PGBD1: variants seen among roughly 807,000 people sequenced by gnomAD.
PGBD1 encodes piggyBac transposable element derived 1, also known as piggyBac transposable element-derived protein 1.
PGBD1 carries 25 observed loss-of-function variants against 34.7 expected under a neutral mutation model. The ratio of observed to expected loss-of-function variants is 0.72; its 90% CI spans 0.52 to 1.00. The LOEUF (loss-of-function observed/expected upper bound fraction) is 1.00. Among genes scored for constraint, PGBD1 ranks in the 50% least tolerant of loss-of-function variants. The pLI is 0.00. For missense variants in PGBD1, 830 were observed against 959.4 expected, an observed-to-expected ratio of 0.87 and a Z score of 1.78; for synonymous variants, 292 against 335.7, an observed-to-expected ratio of 0.87 and a Z score of 1.42.
In PGBD1 at chr6:28,300,720, C is replaced by T. The variant is rs2281043; in HGVS notation, c.870-4C>T. On this transcript the variant is annotated splice_region_variant and splice_polypyrimidine_tract_variant and intron_variant, in intron 6 of 6. Transcript: ENST00000682144. This position sits in a 1 kb window ranked among gnomAD's most constrained non-coding sequence, Gnocchi z 4.0. ...TTATAACATGTTCTTTTTTTCTTTC[C>T]CAGAGAGTGTGCACCCCAGATTCCT... 0.15 allele frequency: 235,549 copies of T among 1,590,096 alleles called. 22,024 individuals are homozygous for T. The highest frequency in any genetic ancestry group is 0.4 in the African/African-American group (29,436 of 73,438).
intron 4 of PGBD1, among the ~76,000 whole-genome samples, chr6:28,287,712 C>G (rs1259274120): frequency 6.6e-6 from 1 of 151,996 alleles, no homozygotes; most frequent in Non-Finnish European, 1.5e-5. Context: ...AAATAACTCT[C>G]TCATTTAAGT....
chr6:28,301,139 G>A lies in PGBD1; in HGVS notation c.1285G>A (p.Asp429Asn). 1.9e-6 allele frequency: 3 copies of A among 1,614,128 alleles called. No individual in the cohort carries two copies. The highest frequency in any genetic ancestry group is 1.7e-6 in the Non-Finnish European group (2 of 1,180,018). The change falls in exon 7 of 7, where the codon GAT (aspartate) becomes AAT (asparagine). Residue 429 changes from aspartate (D) to asparagine (N), a missense_variant. This residue lies in a region of PGBD1 where 457 missense variants were observed against 515.4 expected (regional missense o/e 0.89). Coordinates refer to ENST00000682144, the MANE Select transcript of PGBD1 (RefSeq NM_032507.4). ...AGAGCTTTTTGAATTATTTTTTGAT[G>A]ATGAAACATTCAACTTAATTGTCAA... ...PVELFELFFD[D>N]ETFNLIVNET...
intron 4 of PGBD1, among the ~76,000 whole-genome samples, chr6:28,291,509 A>C (rs1016428280): frequency 1.3e-5 from 2 of 151,650 alleles, no homozygotes; most frequent in Non-Finnish European, 2.9e-5. Flanking sequence ...AATTCTACCA[A>C]ACATTTAAAA....
In PGBD1 at chr6:28,301,057, C is replaced by T. The variant is rs533549195; in HGVS notation, c.1203C>T (p.Ser401=). 5 of 1,614,172 alleles carry T rather than the reference C, an allele frequency of 3.1e-6. No homozygotes were observed. In the South Asian group the frequency reaches 5.5e-5, roughly 18 times the overall value. ...GAGACATTAAACCCAATTTTCCAAG[C>T]TGGTCAGCACTGGATTCTGGACTTT... ...TKRDIKPNFP[S]WSALDSGLLN... Residue 401 remains serine, a synonymous_variant, in exon 7 of 7, where the codon AGC becomes AGT. Coordinates refer to ENST00000682144, the MANE Select transcript of PGBD1 (RefSeq NM_032507.4).
rs150792366 is a variant in PGBD1 at position 28,298,544 on chromosome 6, G to GA, written c.869+560dup. On this transcript the variant is annotated intron_variant, in intron 6 of 6. Transcript: ENST00000682144. ...GTATAATGCAAATATTCCAAAATCTGAAAAAAATCCAAAATTCAAAAATCT... is the reference window on the plus strand; with the variant it reads ...GTATAATGCAAATATTCCAAAATCTGAAAAAAAATCCAAAATTCAAAAATCT... Among the ~76,000 whole-genome samples, 178 of 151,938 alleles carry GA rather than the reference G, an allele frequency of 1.2e-3. 5 individuals carry two copies. The East Asian group carries it at 0.034, about 29-fold the overall frequency.
chr6:28,283,931 C>G lies in PGBD1; in HGVS notation c.118C>G (p.Gln40Glu). 2 of 1,614,224 alleles carry G rather than the reference C, an allele frequency of 1.2e-6. No homozygotes were observed. The highest frequency in any genetic ancestry group is 1.7e-6 in the Non-Finnish European group (2 of 1,180,026). Residue 40 changes from glutamine (Q) to glutamate (E), a missense_variant, in exon 2 of 7, where the codon CAG (glutamine) becomes GAG (glutamate). By Grantham distance (29) the Gln-to-Glu change is conservative (BLOSUM62 2). Transcript: ENST00000682144. ...CNSQEGSSHT[Q>E]EICRLRFRHF... ...CTCACAGGAGGGCAGCTCCCACACT[C>G]AGGAGATTTGCCGCCTGCGCTTTCG...
chr6:28,286,757 C>T (rs1046789215), intron 3 of PGBD1, among the ~76,000 whole-genome samples: 1 of 152,018 alleles, frequency 6.6e-6, no homozygotes, highest in Non-Finnish European at 1.5e-5. Context: ...TTGATCCTTC[C>T]TTTATCACCA....
intron 6 of PGBD1, 111 bp downstream of exon 6, chr6:28,298,102 A>C (rs1581639463): frequency 5.3e-6 from 4 of 752,698 alleles, no homozygotes; most frequent in Non-Finnish European, 2.3e-6. Flanking sequence ...AGATATGACA[A>C]CTGCCACTCA....
At chr6:28,282,876 AG>A (rs1451345266) in intron 1 of PGBD1, among the ~76,000 whole-genome samples, 1 of 152,256 alleles carries the variant, frequency 6.6e-6, no homozygotes, top group African/African-American at 2.4e-5. Flanking sequence ...GAGATCACAA[AG>A]GAAAAAATGA....
chr6:28,281,759 A>T lies in PGBD1; in HGVS notation c.-198A>T, dbSNP rs1021197384. The T allele has an allele frequency of 4.5e-6, 1 of 222,566 alleles. No individual in the cohort carries two copies. The highest frequency in any genetic ancestry group is 8.7e-6 in the Non-Finnish European group (1 of 114,562). The allele number at this position is 222,566 out of a possible 1,614,324, so 13.8% of individuals were successfully genotyped here. A position where few individuals can be genotyped will look rare whatever the true frequency, so the allele number is the denominator to read the frequency against. ...CTGAACTTTTGGTCCATTAACCAAC[A>T]ATTAGACACGCCGGTATTCAGTGCC... On this transcript the variant is annotated 5_prime_UTR_variant, in exon 1 of 7. Coordinates refer to ENST00000682144, the MANE Select transcript of PGBD1 (RefSeq NM_032507.4).
intron 4 of PGBD1, among the ~76,000 whole-genome samples, chr6:28,288,357 T>C (rs557846375): frequency 6.6e-6 from 1 of 152,170 alleles, no homozygotes; most frequent in African/African-American, 2.4e-5. Context: ...TAAAAAGAGG[T>C]TTATTTAGCT....
At chr6:28,298,608 G>A (rs905299103) in intron 6 of PGBD1, among the ~76,000 whole-genome samples, 2 of 152,086 alleles carry the variant, frequency 1.3e-5, no homozygotes, top group African/African-American at 4.8e-5. Flanking sequence ...AAATTAACCT[G>A]TATTTTCAAC....
rs774771086 is a variant in PGBD1 at position 28,301,499 on chromosome 6, A to G, written c.1645A>G (p.Met549Val). Reference protein sequence around the residue: ...LEEYYCFDKSMCECFDSDQFL... With the variant: ...LEEYYCFDKSVCECFDSDQFL... ...AGAATACTATTGCTTTGATAAGTCA[A>G]TGTGTGAATGCTTTGATAGTGACCA... The change falls in exon 7 of 7, where the codon ATG becomes GTG. Residue 549 changes from methionine to valine, a missense_variant. This residue lies in a region of PGBD1 where 372 missense variants were observed against 427.9 expected (regional missense o/e 0.87). Transcript: ENST00000682144. 9.3e-6 allele frequency: 15 copies of G among 1,613,974 alleles called. No individual in the cohort carries two copies. In the South Asian group the frequency reaches 9.9e-5, roughly 11 times the overall value.
chr6:28,293,315 G>T (rs1762527381), intron 4 of PGBD1, among the ~76,000 whole-genome samples: 1 of 152,134 alleles, frequency 6.6e-6, no homozygotes, highest in African/African-American at 2.4e-5. Context: ...AGAGCCATGA[G>T]ATAATACAAT....
chr6:28,285,484 C>T (rs762228132), intron 2 of PGBD1, 67 bp from the exon 3 acceptor site: 178 of 1,489,806 alleles, frequency 1.2e-4, no homozygotes, highest in Non-Finnish European at 1.6e-4. Context: ...GCATGTAGAA[C>T]AGTGCCAGGC....
Position 28,291,731 on chromosome 6 carries a change from A to G in PGBD1, c.642+4563A>G, listed in dbSNP as rs1040868411. ...AAACACTAGCAAACTGAATTCAACA[A>G]CACATTAAAAAGATCATTCACCATG... On this transcript the variant is annotated intron_variant, in intron 4 of 6. Coordinates refer to ENST00000682144, the MANE Select transcript of PGBD1 (RefSeq NM_032507.4). 3.9e-5 allele frequency among the ~76,000 whole-genome samples: 6 copies of G among 152,164 alleles called. No homozygotes were observed. The East Asian group carries it at 7.7e-4, about 20-fold the overall frequency.
chr6:28,297,825 T>C lies in PGBD1; in HGVS notation c.773-70T>C, dbSNP rs567861982. 230 of 189,988 alleles carry C rather than the reference T, an allele frequency of 1.2e-3. 1 individual carries two copies. The highest frequency in any genetic ancestry group is 1.9e-3 in the Non-Finnish European group (197 of 103,380). 11.8% of individuals were successfully genotyped at this position (189,988 alleles called of 1,614,324 possible). On this transcript the variant is annotated intron_variant, in intron 5 of 6. Coordinates refer to ENST00000682144, the MANE Select transcript of PGBD1 (RefSeq NM_032507.4). Reference sequence around the variant, plus strand: ...ATTCCCTACCCTGGAAGTTTTTTTTTTTTTTTTTTTTTTTTTTTTTCAAAA... The same window carrying C: ...ATTCCCTACCCTGGAAGTTTTTTTTCTTTTTTTTTTTTTTTTTTTTCAAAA...
At chr6:28,284,660 G>T (rs1762235481) in intron 2 of PGBD1, among the ~76,000 whole-genome samples, 1 of 152,130 alleles carries the variant, frequency 6.6e-6, no homozygotes, top group Non-Finnish European at 1.5e-5. Flanking sequence ...GACTACAGGT[G>T]CATGCCACCA....
In PGBD1 at chr6:28,301,651, TC is replaced by T. The variant is rs774886714; in HGVS notation, c.1798del (p.Leu602Ter). 1 of 1,614,164 alleles carries T rather than the reference TC, an allele frequency of 6.2e-7. No individual in the cohort carries two copies. The highest frequency in any genetic ancestry group is 2.2e-5 in the East Asian group (1 of 44,882). On this transcript the variant is annotated frameshift_variant, in exon 7 of 7. Transcript: ENST00000682144. LOFTEE classifies it low-confidence loss of function (END_TRUNC). ...CTATGAAGGTAGATGAGGATCCTGA[TC>T]TTGGGTTAGGTGGAAATCTAGTGAT... ...STMKVDEDPDLGLGGNLVMNF... is the reference protein window; with the variant it reads ...STMKVDEDPDXGLGGNLVMNF...
Sources: allele counts gnomAD v4.1 joint callset (sites outside exome capture counted in the v4.1 genomes callset), GRCh38; gene constraint gnomAD v4.1.1; regional missense constraint gnomAD v4.1.1; non-coding constraint Gnocchi (gnomAD v3.1); transcripts MANE v1.5; gene names NCBI Gene and HGNC (gene_info 2026-07-23, HGNC 2026-07-21).